The following FGF14 variants were observed in gnomAD, a reference collection of about 807,000 sequenced individuals.
The protein encoded by FGF14 is fibroblast growth factor 14, also known as fibroblast growth factor homologous factor 4.
Under a neutral mutation model 25.5 loss-of-function variants are expected in FGF14, and 5 were observed. The ratio of observed to expected loss-of-function variants is 0.20; its 90% CI spans 0.10 to 0.41. FGF14 has a LOEUF of 0.41. Among genes scored for constraint, FGF14 ranks in the 10% least tolerant of loss-of-function variants. The probability of loss-of-function intolerance (pLI) is 1.00; values close to 1 mark genes in which losing one functional copy is unlikely to be tolerated. For missense variants in FGF14, 222 were observed against 320.1 expected, an observed-to-expected ratio of 0.69 and a Z score of 2.34; for synonymous variants, 138 against 118.3, an observed-to-expected ratio of 1.17 and a Z score of -1.08.
intron 1 of FGF14, among the ~76,000 whole-genome samples, chr13:102,290,411 C>T (rs1012081540): frequency 1.3e-5 from 2 of 152,112 alleles, no homozygotes; most frequent in Non-Finnish European, 2.9e-5. Flanking sequence ...TTATAAGCTA[C>T]CCATCTTAGG....
chr13:102,070,562 C>A (rs1028984361), intron 1 of FGF14, among the ~76,000 whole-genome samples: 1 of 152,170 alleles, frequency 6.6e-6, no homozygotes, highest in Non-Finnish European at 1.5e-5. Flanking sequence ...AACAGTATAT[C>A]AAAGAGATAC....
intron 3 of FGF14, among the ~76,000 whole-genome samples, chr13:101,763,601 G>A (rs1257324812): frequency 6.6e-6 from 1 of 152,032 alleles, no homozygotes; most frequent in Non-Finnish European, 1.5e-5. Context: ...ACTCATGCCT[G>A]TAATCCCAGC....
chr13:102,356,053 T>G (rs1456259750), intron 1 of FGF14, among the ~76,000 whole-genome samples: 2 of 152,216 alleles, frequency 1.3e-5, no homozygotes, highest in Non-Finnish European at 2.9e-5. Context: ...AGGATTATTA[T>G]TTTTAGAACT....
At chr13:102,135,454 AC>A (rs2046373560) in intron 1 of FGF14, among the ~76,000 whole-genome samples, 1 of 152,230 alleles carries the variant, frequency 6.6e-6, no homozygotes, top group Non-Finnish European at 1.5e-5. Flanking sequence ...GAATGCAATT[AC>A]AAAAAAGCTT....
chr13:102,118,319 A>G (rs188266370), intron 1 of FGF14, among the ~76,000 whole-genome samples: 1 of 152,068 alleles, frequency 6.6e-6, no homozygotes, highest in African/African-American at 2.4e-5. Flanking sequence ...AAGAGAGAGA[A>G]AAATAATTTA....
At chr13:102,297,338 C>T (rs1378309005) in intron 1 of FGF14, among the ~76,000 whole-genome samples, 1 of 151,956 alleles carries the variant, frequency 6.6e-6, no homozygotes, top group Admixed American at 6.6e-5. Context: ...ACAGACGACT[C>T]AATGTAACAT....
intron 3 of FGF14, among the ~76,000 whole-genome samples, chr13:101,844,462 C>A (rs574718862): frequency 6.6e-6 from 1 of 152,092 alleles, no homozygotes; most frequent in East Asian, 1.9e-4. Flanking sequence ...ATCATAATAA[C>A]CATATAATTA....
chr13:101,963,788 C>T lies in FGF14; in HGVS notation c.209-88492G>A, dbSNP rs551835296. Among the ~76,000 whole-genome samples, 7 of 152,242 alleles carry T rather than the reference C, an allele frequency of 4.6e-5. No homozygotes were observed. The South Asian group carries it at 1.5e-3, about 32-fold the overall frequency. ...ATCAACAAATACTACTTTCCATATA[C>T]TGTGTTAGTCATGGGAGATACAGAG... On this transcript the variant is annotated intron_variant, in intron 1 of 4. Coordinates refer to the FGF14 transcript ENST00000376131.
intron 1 of FGF14, among the ~76,000 whole-genome samples, chr13:102,167,929 C>A (rs1309462913): frequency 1.3e-5 from 2 of 151,888 alleles, no homozygotes; most frequent in Non-Finnish European, 2.9e-5. Context: ...CAGGTATACG[C>A]ACACACAAAC....
rs977699171 is a variant in FGF14, at chr13:101,720,079, A to G, written c.*2752T>C. 1 of 152,112 alleles carries G rather than the reference A, an allele frequency of 6.6e-6. No homozygotes were observed. Among genetic ancestry groups the G allele is most frequent in the Non-Finnish European group, 1.5e-5 (1 of 67,992 alleles). The allele number at this position is 152,112 out of a possible 1,614,324, so 9.4% of individuals were successfully genotyped here. Reference sequence around the variant, plus strand: ...TGCCTTCATATAAATATTTTATTCAATATGTTGTATTTGTGAATTTAACAA... The same window carrying G: ...TGCCTTCATATAAATATTTTATTCAGTATGTTGTATTTGTGAATTTAACAA... On this transcript the variant is annotated 3_prime_UTR_variant, in exon 5 of 5. Coordinates refer to ENST00000376143, the MANE Select transcript of FGF14 (RefSeq NM_004115.4).
chr13:102,015,385 ATGTT>A (rs538572928), intron 1 of FGF14, among the ~76,000 whole-genome samples: 70 of 152,342 alleles, frequency 4.6e-4, no homozygotes, highest in African/African-American at 1.5e-3. Context: ...ACACTTGAAA[ATGTT>A]TGATTGTCAA....
chr13:101,803,349 T>C (rs924960399), intron 3 of FGF14, among the ~76,000 whole-genome samples: 5 of 152,018 alleles, frequency 3.3e-5, no homozygotes, highest in Non-Finnish European at 7.4e-5. Flanking sequence ...AGGCTTGTCT[T>C]GAACTCCCAG....
chr13:102,254,339 A>T lies in FGF14; in HGVS notation c.208+147132T>A, dbSNP rs117077743. Among the ~76,000 whole-genome samples, 1,272 of 152,244 alleles carry T rather than the reference A, an allele frequency of 8.4e-3. 12 individuals carry two copies. The highest frequency in any genetic ancestry group is 0.014 in the Non-Finnish European group (944 of 68,014). The stretch of plus-strand genomic sequence containing the variant: ...TGGGTAAAGTCAGCCTGGGGGATCT[A>T]CTGGAGCTCTGGATCAGATCTGAGG... On this transcript the variant is annotated intron_variant, in intron 1 of 4. Coordinates refer to the FGF14 transcript ENST00000376131.
intron 1 of FGF14, among the ~76,000 whole-genome samples, chr13:102,291,627 A>G (rs1011692795): frequency 6.6e-6 from 1 of 152,162 alleles, no homozygotes; most frequent in Non-Finnish European, 1.5e-5. Flanking sequence ...CCCACACAAT[A>G]CCATACTGTG....
chr13:102,227,258 C>T (rs1392171368), intron 1 of FGF14, among the ~76,000 whole-genome samples: 1 of 151,900 alleles, frequency 6.6e-6, no homozygotes, highest in Non-Finnish European at 1.5e-5. Flanking sequence ...GAATTTTTTT[C>T]TTGCTTTTTC....
At chr13:101,989,111 T>C (rs1284441227) in intron 1 of FGF14, among the ~76,000 whole-genome samples, 1 of 152,108 alleles carries the variant, frequency 6.6e-6, no homozygotes, top group East Asian at 1.9e-4. Flanking sequence ...AATCTTTTAA[T>C]AATCACTTAT....
intron 3 of FGF14, among the ~76,000 whole-genome samples, chr13:101,823,340 T>C (rs912554511): frequency 3.3e-5 from 5 of 149,960 alleles, no homozygotes; most frequent in African/African-American, 1.2e-4. Flanking sequence ...TATATGTATA[T>C]ACATACAAAA....
intron 1 of FGF14, among the ~76,000 whole-genome samples, chr13:102,235,021 G>A (rs1356978300): frequency 6.6e-6 from 1 of 152,174 alleles, no homozygotes; most frequent in Non-Finnish European, 1.5e-5. Flanking sequence ...CATACTGAGA[G>A]CTCCCACAGA....
At chr13:102,328,267 C>A (rs898059328) in intron 1 of FGF14, among the ~76,000 whole-genome samples, 1 of 152,146 alleles carries the variant, frequency 6.6e-6, no homozygotes, top group East Asian at 1.9e-4. Context: ...GCTTATTTAT[C>A]AAAAATTTTG....
Sources: allele counts gnomAD v4.1 joint callset (sites outside exome capture counted in the v4.1 genomes callset), GRCh38; gene constraint gnomAD v4.1.1; transcripts MANE v1.5; gene names NCBI Gene and HGNC (gene_info 2026-07-23, HGNC 2026-07-21).